PCYT1A: variants seen among roughly 807,000 people sequenced by gnomAD.
PCYT1A encodes phosphate cytidylyltransferase 1A, choline.
A neutral mutation model predicts 43.7 loss-of-function variants in PCYT1A; 25 were observed. The ratio of observed to expected loss-of-function variants is 0.57; its 90% CI spans 0.42 to 0.80. PCYT1A has a LOEUF of 0.80. PCYT1A is among the 30% of genes least tolerant of loss of function. The pLI is 0.00. For synonymous variants in PCYT1A, 172 were observed against 170.7 expected (o/e 1.01, Z -0.06); for missense variants, 421 against 474.2 (o/e 0.89, Z 1.04).
At chr3:196,257,342 A>G (rs1049419326) in intron 3 of PCYT1A, among the ~76,000 whole-genome samples, 3 of 152,224 alleles carry the variant, frequency 2.0e-5, no homozygotes, top group African/African-American at 7.2e-5. Flanking sequence ...AAATTAAGTG[A>G]CGAGCATCTC....
At position 196,247,317 on chromosome 3, in the gene PCYT1A, G is replaced by T. The variant is rs775291442; in HGVS notation, c.486+50C>A. On this transcript the variant is annotated intron_variant, in intron 5 of 8. Transcript: ENST00000431016. The surrounding 1 kb of genome is among the most constrained non-coding windows in gnomAD (Gnocchi z 4.8). ...AGCCTACGTGCCAGCAGCTTTGAGA[G>T]TTGAGGGGATTCTGAAACAAGGAAT... 2.5e-5 allele frequency: 40 copies of T among 1,597,862 alleles called. No individual in the cohort carries two copies. Among genetic ancestry groups the T allele is most frequent in the Non-Finnish European group, 3.3e-5 (38 of 1,167,964 alleles).
chr3:196,239,108 A>G (rs905297073), intron 8 of PCYT1A, among the ~76,000 whole-genome samples: 8 of 152,198 alleles, frequency 5.3e-5, no homozygotes, highest in African/African-American at 1.9e-4. Flanking sequence ...CCTTCCTGAT[A>G]TCTAACCTAG....
At chr3:196,279,812 C>T (rs1251828364) in intron 1 of PCYT1A, among the ~76,000 whole-genome samples, 1 of 149,528 alleles carries the variant, frequency 6.7e-6, no homozygotes, top group African/African-American at 2.5e-5. Flanking sequence ...TTAGGGACTC[C>T]TATCCAGTCC....
intron 2 of PCYT1A, among the ~76,000 whole-genome samples, chr3:196,269,146 G>T (rs1188163797): frequency 6.6e-6 from 1 of 152,210 alleles, no homozygotes; most frequent in Non-Finnish European, 1.5e-5. Context: ...AGAACTGTAA[G>T]ATAATTCATT....
intron 7 of PCYT1A, chr3:196,241,633 T>G: frequency 7.5e-7 from 1 of 1,335,358 alleles, no homozygotes; most frequent in Non-Finnish European, 9.8e-7. Flanking sequence ...TCCCAAGACA[T>G]CATCCAACCG....
chr3:196,257,788 A>C lies in PCYT1A; in HGVS notation c.217T>G (p.Cys73Gly), dbSNP rs773573877. Residue 73 changes from cysteine to glycine, a missense_variant and splice_region_variant, in exon 3 of 9, where the codon TGT becomes GGT. Transcript: ENST00000431016. ...ACAAATTAAGAAGGTATTTACTTACAAGGAGTTCCTCTGCTGGCTTCTTCC... is the reference window on the plus strand; with the variant it reads ...ACAAATTAAGAAGGTATTTACTTACCAGGAGTTCCTCTGCTGGCTTCTTCC... ...TMEEASRGTP[C>G]ERPVRVYADG... The C allele has an allele frequency of 3.2e-6, 5 of 1,555,824 alleles. No individual in the cohort carries two copies. The highest frequency in any genetic ancestry group is 4.4e-6 in the Non-Finnish European group (5 of 1,127,570).
rs1400630512 is a variant in PCYT1A at position 196,248,322 on chromosome 3, A to G, written c.219T>C (p.Cys73=). The change falls in exon 4 of 9, where the codon TGT becomes TGC. Residue 73 remains cysteine (C), a splice_region_variant and synonymous_variant. Coordinates refer to ENST00000431016, the MANE Select transcript of PCYT1A (RefSeq NM_001312673.2). The part of the protein sequence containing the change: ...TMEEASRGTP[C]ERPVRVYADG... ...CGGCATAAACTCTCACAGGTCGCTC[A>G]CCTAAATCCAAATGAAAGAATTGAT... 2 of 1,561,000 alleles carry G rather than the reference A, an allele frequency of 1.3e-6. No individual in the cohort carries two copies. Among genetic ancestry groups the G allele is most frequent in the African/African-American group, 1.4e-5 (1 of 73,696 alleles).
Position 196,242,338 on chromosome 3 carries a change from G to C in PCYT1A, c.565+224C>G. The C allele has an allele frequency of 1.5e-6, 1 of 671,700 alleles. No homozygotes were observed. The highest frequency in any genetic ancestry group is 2.3e-5 in the Admixed American group (1 of 44,238). 41.6% of individuals were successfully genotyped at this position (671,700 alleles called of 1,614,324 possible). On this transcript the variant is annotated intron_variant, in intron 6 of 8. Coordinates refer to ENST00000431016, the MANE Select transcript of PCYT1A (RefSeq NM_001312673.2). This position sits in a 1 kb window ranked among gnomAD's most constrained non-coding sequence, Gnocchi z 4.2. ...GAGAAAGGGTTTCCTGAAATTAAGA[G>C]AGATATCCAAAGTAGATGTTTAGAC... is the stretch of plus-strand genomic sequence containing the variant.
At chr3:196,243,825 T>G (rs1430517125) in intron 5 of PCYT1A, among the ~76,000 whole-genome samples, 1 of 152,264 alleles carries the variant, frequency 6.6e-6, no homozygotes, top group South Asian at 2.1e-4. Flanking sequence ...CGGAGTCTCG[T>G]TCACTCAGTG....
rs1183765349 is a variant in PCYT1A at position 196,282,140 on chromosome 3, C to T, written c.-11+5475G>A. Among the ~76,000 whole-genome samples, 1 of 152,216 alleles carries T rather than the reference C, an allele frequency of 6.6e-6. No homozygotes were observed. Among genetic ancestry groups the T allele is most frequent in the East Asian group, 1.9e-4 (1 of 5,202 alleles). ...GAACTGGATCTCTTCCCTCTAATTT[C>T]GTCAGAGAAACCCTTATTCAACAAA... On this transcript the variant is annotated intron_variant, in intron 1 of 8. Coordinates refer to ENST00000431016, the MANE Select transcript of PCYT1A (RefSeq NM_001312673.2). This position sits in a 1 kb window ranked among gnomAD's most constrained non-coding sequence, Gnocchi z 4.3.
intron 3 of PCYT1A, 135 bp from the exon 4 acceptor site, chr3:196,248,458 G>A (rs924675681): frequency 5.6e-5 from 28 of 499,080 alleles, no homozygotes; most frequent in Middle Eastern, 5.9e-4. Flanking sequence ...TGCAACTTCC[G>A]CCTCCTGGGT....
Position 196,242,749 on chromosome 3 carries a change from T to A in PCYT1A, c.487-109A>T. ...ACAATAGGCAGAGGCCAGGCCTCAGTGGACTTCATATCTCTCTTTGCTTTG... is the reference window on the plus strand; with the variant it reads ...ACAATAGGCAGAGGCCAGGCCTCAGAGGACTTCATATCTCTCTTTGCTTTG... On this transcript the variant is annotated intron_variant, in intron 5 of 8. Coordinates refer to ENST00000431016, the MANE Select transcript of PCYT1A (RefSeq NM_001312673.2). This position sits in a 1 kb window ranked among gnomAD's most constrained non-coding sequence, Gnocchi z 4.2. The A allele has an allele frequency of 1.3e-6, 1 of 744,762 alleles. No individual in the cohort carries two copies. 46.1% of individuals were successfully genotyped at this position (744,762 alleles called of 1,614,324 possible). A position where few individuals can be genotyped will look rare whatever the true frequency, so the allele number is the denominator to read the frequency against.
chr3:196,260,422 T>C (rs1396346428), intron 2 of PCYT1A, among the ~76,000 whole-genome samples: 1 of 152,202 alleles, frequency 6.6e-6, no homozygotes, highest in Middle Eastern at 3.2e-3. Context: ...ACATTGCTAC[T>C]GTGAATATAA....
In PCYT1A at chr3:196,237,626, T is replaced by C. The variant is rs1724206621; in HGVS notation, c.*1062A>G. 6.6e-6 allele frequency: 1 copy of C among 152,340 alleles called. No homozygotes were observed. The highest frequency in any genetic ancestry group is 2.1e-4 in the South Asian group (1 of 4,824). 9.4% of individuals were successfully genotyped at this position (152,340 alleles called of 1,614,324 possible). A position where few individuals can be genotyped will look rare whatever the true frequency, so the allele number is the denominator to read the frequency against. On this transcript the variant is annotated 3_prime_UTR_variant, in exon 9 of 9. Coordinates refer to ENST00000431016, the MANE Select transcript of PCYT1A (RefSeq NM_001312673.2). ...GGCTGTTGCTTTAGAAAGGAAGGTGTTTCCTATGCTTTTGCCTTTACATTC... is the reference window on the plus strand; with the variant it reads ...GGCTGTTGCTTTAGAAAGGAAGGTGCTTCCTATGCTTTTGCCTTTACATTC...
intron 2 of PCYT1A, among the ~76,000 whole-genome samples, chr3:196,261,219 T>G (rs1031866283): frequency 6.6e-6 from 1 of 151,882 alleles, no homozygotes; most frequent in African/African-American, 2.4e-5. Flanking sequence ...ATACAGGGGG[T>G]TTCTTTTTGT....
rs1346057794 is a variant in PCYT1A at position 196,282,304 on chromosome 3, T to C, written c.-11+5311A>G. 6.6e-6 allele frequency among the ~76,000 whole-genome samples: 1 copy of C among 152,232 alleles called. No homozygotes were observed. The highest frequency in any genetic ancestry group is 1.5e-5 in the Non-Finnish European group (1 of 68,042). Reference sequence around the variant, plus strand: ...CATGAGGGACACATGTAATAGTTCTTACAGTTGAACAATTTTACTCTGCCA... The same window carrying C: ...CATGAGGGACACATGTAATAGTTCTCACAGTTGAACAATTTTACTCTGCCA... On this transcript the variant is annotated intron_variant, in intron 1 of 8. Coordinates refer to ENST00000431016, the MANE Select transcript of PCYT1A (RefSeq NM_001312673.2). The surrounding 1 kb of genome is among the most constrained non-coding windows in gnomAD (Gnocchi z 4.3).
intron 1 of PCYT1A, among the ~76,000 whole-genome samples, chr3:196,280,928 C>A (rs1725752623): frequency 6.6e-6 from 1 of 152,164 alleles, no homozygotes; most frequent in South Asian, 2.1e-4. Flanking sequence ...TAGCAAGTTG[C>A]AATTACATAT....
At chr3:196,256,409 G>C (rs1278612393) in intron 3 of PCYT1A, among the ~76,000 whole-genome samples, 1 of 152,032 alleles carries the variant, frequency 6.6e-6, no homozygotes, top group Non-Finnish European at 1.5e-5. Context: ...AGAATTGCTT[G>C]AACCCGGGAG....
chr3:196,280,200 G>C (rs1031067667), intron 1 of PCYT1A, among the ~76,000 whole-genome samples: 11 of 152,016 alleles, frequency 7.2e-5, no homozygotes, highest in African/African-American at 1.2e-4. Context: ...GTTGGACTTT[G>C]CTTCCTGAAC....
Sources: gnomAD v4.1 joint callset for allele counts (sites outside exome capture counted in the v4.1 genomes callset) on GRCh38, gnomAD v4.1.1 for gene constraint, Gnocchi (gnomAD v3.1) non-coding constraint, MANE v1.5 for transcripts, NCBI Gene and HGNC (gene_info 2026-07-23, HGNC 2026-07-21) for gene names.